Variants in NPM3 observed in about 807,000 individuals in gnomAD.
NPM3 encodes nucleophosmin/nucleoplasmin 3, also known as nucleoplasmin-3.
Under a neutral mutation model 18.1 loss-of-function variants are expected in NPM3, and 12 were observed. That is an observed-to-expected ratio of 0.66 (90% CI 0.42 to 1.07). The LOEUF (loss-of-function observed/expected upper bound fraction) is 1.07. NPM3 is among the 50% of genes least tolerant of loss of function. The pLI is 0.00. For missense variants in NPM3, 274 were observed against 232.1 expected (o/e 1.18, Z -1.17); for synonymous variants, 116 against 93.7 (o/e 1.24, Z -1.38).
chr10:101,781,941 G>A lies in NPM3; in HGVS notation c.419-87C>T. 3 of 1,609,050 alleles carry A rather than the reference G, an allele frequency of 1.9e-6. No individual in the cohort carries two copies. In the South Asian group the frequency reaches 3.3e-5, roughly 18 times the overall value. ...GCCATTTCTTCACGCCGTGGTGTTA[G>A]GCTTACAGGGACCATGACCTCCCAG... On this transcript the variant is annotated intron_variant, in intron 4 of 5. Transcript: ENST00000370110.
At chr10:101,782,327 G>GGAGCTGGAAGTCATCCAGACT in exon 4 of NPM3, 14 of 1,613,878 alleles carry the variant, frequency 8.7e-6, no homozygotes, top group Middle Eastern at 1.6e-4. Context: ...ACAGGTGGTT[G>GGAGCTGGAAGTCATCCAGACT]GAGCTGGAAG....
Position 101,782,363 on chromosome 10 carries a change from A to G in NPM3, c.325-12T>C. The stretch of plus-strand genomic sequence containing the variant: ...TCATCCAGACTGAGCTGGGAGGAAG[A>G]CAAGGATGAAGGCCTGGCCCACTCC... On this transcript the variant is annotated splice_polypyrimidine_tract_variant and intron_variant, in intron 3 of 5. Coordinates refer to ENST00000370110, the Ensembl canonical transcript of NPM3. The G allele has an allele frequency of 3.1e-6, 5 of 1,613,226 alleles. No individual in the cohort carries two copies. Among genetic ancestry groups the G allele is most frequent in the Non-Finnish European group, 4.2e-6 (5 of 1,179,588 alleles).
chr10:101,782,186 G>A (rs781082503), intron 4 of NPM3, 72 bp downstream of exon 4: 407 of 1,322,440 alleles, frequency 3.1e-4, no homozygotes, highest in Non-Finnish European at 1.3e-4. Flanking sequence ...GATGGGGCAG[G>A]AGTGCGGAGT....
chr10:101,781,456 G>A, exon 6 of NPM3: 1 of 447,384 alleles, frequency 2.2e-6, no homozygotes, highest in South Asian at 3.9e-5. Context: ...CCCCGGGCAT[G>A]GTGAAAATCA....
intron 1 of NPM3, 32 bp downstream of exon 1, chr10:101,783,241 G>T: frequency 6.7e-7 from 1 of 1,494,510 alleles, no homozygotes; most frequent in Non-Finnish European, 9.2e-7. Flanking sequence ...TACCGCCCCA[G>T]TACCACCCTC....
At chr10:101,783,278 A>C in exon 1 of NPM3, 9 of 1,603,392 alleles carry the variant, frequency 5.6e-6, no homozygotes, top group Non-Finnish European at 7.7e-6. Context: ...AATACCGAAG[A>C]AAAAACTGTC....
chr10:101,782,587 G>A, exon 3 of NPM3: 2 of 1,613,884 alleles, frequency 1.2e-6, no homozygotes, highest in South Asian at 2.2e-5. Context: ...GGCTCCCTCG[G>A]TGAGGCAGAG....
intron 1 of NPM3, 146 bp from the exon 2 acceptor site, chr10:101,783,070 G>A: frequency 1.2e-6 from 1 of 824,962 alleles, no homozygotes; most frequent in Admixed American, 2.3e-5. Context: ...CACCTGGGAC[G>A]CTCTGCCGTG....
chr10:101,783,312 G>A lies in NPM3; in HGVS notation c.79C>T (p.Arg27Trp), dbSNP rs1311678582. The A allele has an allele frequency of 1.9e-6, 3 of 1,612,082 alleles. No individual in the cohort carries two copies. In the South Asian group the frequency reaches 3.3e-5, roughly 18 times the overall value. Residue 27 changes from arginine (R) to tryptophan (W), a missense_variant, in exon 1 of 6, where the codon CGG becomes TGG. By Grantham distance (101) the Arg-to-Trp change is moderately radical. Transcript: ENST00000370110. ...TCCATAGTGACCGGGGCCGGGACCC[G>A]TAGGCCCCCGACACCCCCGGCCCGC...
intron 1 of NPM3, 63 bp from the exon 2 acceptor site, chr10:101,782,987 A>C (rs1589817983): frequency 6.8e-7 from 1 of 1,476,022 alleles, no homozygotes; most frequent in East Asian, 2.3e-5. Context: ...GGGGGATGTC[A>C]CCAACCCGCC....
rs756110098 is a variant in NPM3, at chr10:101,782,825, C to T, written c.204+14G>A. On this transcript the variant is annotated intron_variant, in intron 2 of 5. Transcript: ENST00000370110. ...TGGGCTTATTCATTAAAACCCCACT[C>T]CCCTGCCCCTCACCATGGTTAGTGC... 20 of 1,613,304 alleles carry T rather than the reference C, an allele frequency of 1.2e-5. No individual in the cohort carries two copies. The South Asian group carries it at 2.2e-4, about 18-fold the overall frequency.
Position 101,782,832 on chromosome 10 carries a change from C to T in NPM3, c.204+7G>A. Reference sequence around the variant, plus strand: ...ATTCATTAAAACCCCACTCCCCTGCCCCTCACCATGGTTAGTGCCAGCACG... The same window carrying T: ...ATTCATTAAAACCCCACTCCCCTGCTCCTCACCATGGTTAGTGCCAGCACG... On this transcript the variant is annotated splice_region_variant and intron_variant, in intron 2 of 5. Transcript: ENST00000370110. The T allele has an allele frequency of 1.2e-6, 2 of 1,613,930 alleles. No homozygotes were observed. The highest frequency in any genetic ancestry group is 1.3e-5 in the African/African-American group (1 of 75,046).
At chr10:101,782,791 T>C in intron 2 of NPM3, 48 bp downstream of exon 2, 7 of 1,602,800 alleles carry the variant, frequency 4.4e-6, no homozygotes, top group Non-Finnish European at 6.0e-6. Context: ...GAGACCTATA[T>C]TGCCTGCCTG....
chr10:101,781,711 T>C lies in NPM3; in HGVS notation c.*9+16A>G, dbSNP rs754202290. The C allele has an allele frequency of 1.4e-5, 22 of 1,611,810 alleles. No homozygotes were observed. The highest frequency in any genetic ancestry group is 1.7e-5 in the Non-Finnish European group (20 of 1,179,128). On this transcript the variant is annotated intron_variant, in intron 5 of 5. Transcript: ENST00000370110. ...CCCTTCCCAGAGCCTGCTAGGCACTTCTCCCCGCAACTCACCTAGGAGGGC... is the reference window on the plus strand; with the variant it reads ...CCCTTCCCAGAGCCTGCTAGGCACTCCTCCCCGCAACTCACCTAGGAGGGC...
exon 5 of NPM3, chr10:101,781,749 C>A: frequency 6.2e-7 from 1 of 1,614,132 alleles, no homozygotes; most frequent in Non-Finnish European, 8.5e-7. Context: ...GGGCCTGCCC[C>A]CCTGCTTTTT....
At chr10:101,782,959 T>C (rs1410978589) in intron 1 of NPM3, 35 bp from the exon 2 acceptor site, 1 of 1,600,374 alleles carries the variant, frequency 6.2e-7, no homozygotes, top group East Asian at 2.2e-5. Flanking sequence ...CCTGAGCGTG[T>C]GTACGGGGCT....
chr10:101,783,284 C>A (rs1430571371), exon 1 of NPM3: 2 of 1,606,282 alleles, frequency 1.2e-6, no homozygotes, highest in Admixed American at 3.4e-5. Context: ...GAAGAAAAAA[C>A]TGTCCATAGT....
At chr10:101,781,674 T>C in intron 5 of NPM3, 42 bp from the exon 6 acceptor site, 1 of 1,588,546 alleles carries the variant, frequency 6.3e-7, no homozygotes, top group Non-Finnish European at 8.6e-7. Flanking sequence ...GGCCCTCACC[T>C]GCTTCTCCTG....
At chr10:101,782,386 T>G (rs376410763) in intron 3 of NPM3, 35 bp from the exon 4 acceptor site, 2 of 1,608,778 alleles carry the variant, frequency 1.2e-6, no homozygotes, top group African/African-American at 2.7e-5. Context: ...CCTGGCCCAC[T>G]CCTAGCCCAC....
Sources: allele counts gnomAD v4.1 joint callset, GRCh38; gene constraint gnomAD v4.1.1; transcripts MANE v1.5; gene names NCBI Gene and HGNC (gene_info 2026-07-23, HGNC 2026-07-21).